LAMC3: variants seen among roughly 807,000 people sequenced by gnomAD.
The protein encoded by LAMC3 is laminin subunit gamma 3, also known as laminin subunit gamma-3.
A neutral mutation model predicts 173.8 loss-of-function variants in LAMC3; 128 were observed. The observed-to-expected ratio is 0.74, with a 90% CI of 0.64 to 0.85. The LOEUF is 0.85. LAMC3 is among the 40% of genes least tolerant of loss of function. LAMC3 has a pLI of 0.00. For synonymous variants in LAMC3, 897 were observed against 909.1 expected, an observed-to-expected ratio of 0.99 and a Z score of 0.24; for missense variants, 2,022 against 2,156.0, an observed-to-expected ratio of 0.94 and a Z score of 1.23.
chr9:131,015,601 G>A (rs1436036165), intron 1 of LAMC3, among the ~76,000 whole-genome samples: 1 of 152,134 alleles, frequency 6.6e-6, no homozygotes, highest in Non-Finnish European at 1.5e-5. Flanking sequence ...GTCATGCAAG[G>A]GCCCCCGTGT....
chr9:131,040,011 G>A (rs1189220375), intron 6 of LAMC3, among the ~76,000 whole-genome samples: 13 of 128,138 alleles, frequency 1.0e-4, no homozygotes, highest in African/African-American at 3.5e-4. Flanking sequence ...GATAAATTTA[G>A]AAGCTTTTTT....
chr9:131,028,340 G>A (rs1342914940), intron 2 of LAMC3, among the ~76,000 whole-genome samples: 3 of 152,058 alleles, frequency 2.0e-5, no homozygotes, highest in Non-Finnish European at 2.9e-5. Flanking sequence ...CCATTTCCCC[G>A]GGTTCAGACC....
intron 1 of LAMC3, among the ~76,000 whole-genome samples, chr9:131,016,935 A>AT (rs3840732): frequency 0.14 from 21,603 of 151,046 alleles, 2,677 homozygotes; most frequent in African/African-American, 0.34. Context: ...CATTTCTACG[A>AT]TTTTTTTTTT....
At chr9:131,050,861 G>A (rs904716221) in intron 9 of LAMC3, among the ~76,000 whole-genome samples, 7 of 152,194 alleles carry the variant, frequency 4.6e-5, no homozygotes, top group Admixed American at 1.3e-4. Context: ...ACTGTGATGC[G>A]GCCGGTTGTG....
rs182268363 is a variant in LAMC3, at chr9:131,013,157, A to G, written c.373+3570A>G. 3.9e-3 allele frequency among the ~76,000 whole-genome samples: 591 copies of G among 152,358 alleles called. 9 individuals carry two copies. The highest frequency in any genetic ancestry group is 0.013 in the African/African-American group (555 of 41,586). Reference sequence around the variant, plus strand: ...CTTTTACAGACAGCAAAACTGAGGCACTGAGGGTGAGATCAGTTGCTTGGG... The same window carrying G: ...CTTTTACAGACAGCAAAACTGAGGCGCTGAGGGTGAGATCAGTTGCTTGGG... On this transcript the variant is annotated intron_variant, in intron 1 of 27. Coordinates refer to ENST00000361069, the MANE Select transcript of LAMC3 (RefSeq NM_006059.4).
At chr9:131,084,340 A>G (rs923742607) in intron 24 of LAMC3, among the ~76,000 whole-genome samples, 6 of 151,904 alleles carry the variant, frequency 3.9e-5, no homozygotes, top group African/African-American at 1.5e-4. Flanking sequence ...TCTCGTGAGT[A>G]GCTAGGTCTA....
intron 12 of LAMC3, among the ~76,000 whole-genome samples, chr9:131,058,837 A>G (rs924037708): frequency 2.7e-5 from 4 of 149,694 alleles, no homozygotes; most frequent in African/African-American, 2.5e-5. Flanking sequence ...GAGGTTGCAG[A>G]GAGCCGAAAT....
intron 1 of LAMC3, among the ~76,000 whole-genome samples, chr9:131,022,584 A>G (rs992109060): frequency 1.7e-4 from 26 of 152,076 alleles, no homozygotes; most frequent in African/African-American, 5.8e-4. Flanking sequence ...ATTTTGAGAC[A>G]GGGTCTCACT....
At position 131,009,401 on chromosome 9, in the gene LAMC3, C is replaced by T; in HGVS notation, c.187C>T (p.Pro63Ser). 6.5e-7 allele frequency: 1 copy of T among 1,539,164 alleles called. No individual in the cohort carries two copies. Among genetic ancestry groups the T allele is most frequent in the Non-Finnish European group, 8.7e-7 (1 of 1,144,916 alleles). The change falls in exon 1 of 28, where the codon CCC becomes TCC. Residue 63 changes from proline (P) to serine (S), a missense_variant. Physicochemically the swap from Pro to Ser is moderately conservative, Grantham distance 74. Coordinates refer to ENST00000361069, the MANE Select transcript of LAMC3 (RefSeq NM_006059.4). This position sits in a 1 kb window ranked among gnomAD's most constrained non-coding sequence, Gnocchi z 4.3. ...CGGCAGCCCGCCCGAGGACTTCTGT[C>T]CCCACGTGGGCGCCGCGGGCGCGGG... Reference protein sequence around the residue: ...TCGSPPEDFCPHVGAAGAGAH... With the variant: ...TCGSPPEDFCSHVGAAGAGAH...
intron 9 of LAMC3, 59 bp downstream of exon 9, chr9:131,049,189 C>A: frequency 2.1e-6 from 2 of 958,196 alleles, no homozygotes; most frequent in Non-Finnish European, 3.3e-6. Flanking sequence ...TGCTGCTAAA[C>A]AACTTGCCGC....
intron 12 of LAMC3, among the ~76,000 whole-genome samples, chr9:131,058,935 T>C (rs1291020037): frequency 1.4e-5 from 2 of 146,930 alleles, no homozygotes; most frequent in East Asian, 2.0e-4. Context: ...CTTGGGCTCA[T>C]GCCTGTAATC....
chr9:131,056,906 C>G (rs1182799386), intron 11 of LAMC3, 23 bp from the exon 12 acceptor site: 2 of 1,599,512 alleles, frequency 1.3e-6, no homozygotes, highest in African/African-American at 2.7e-5. Context: ...TCCTCTCTTC[C>G]TCTCTCCCTT....
At chr9:131,027,465 G>T (rs1034640035) in intron 2 of LAMC3, among the ~76,000 whole-genome samples, 27 of 152,162 alleles carry the variant, frequency 1.8e-4, no homozygotes, top group African/African-American at 6.0e-4. Flanking sequence ...TGGGTCCCAC[G>T]CTGTAAGTCC....
intron 22 of LAMC3, among the ~76,000 whole-genome samples, chr9:131,077,902 C>T (rs1830163582): frequency 6.6e-6 from 1 of 152,062 alleles, no homozygotes; most frequent in South Asian, 2.1e-4. Context: ...CTTACAGTGA[C>T]ATTAGCAGTG....
At chr9:131,018,454 C>A (rs1221667732) in intron 1 of LAMC3, among the ~76,000 whole-genome samples, 1 of 151,910 alleles carries the variant, frequency 6.6e-6, no homozygotes, top group Non-Finnish European at 1.5e-5. Flanking sequence ...TTTTAAACAG[C>A]GACGAGAATT....
chr9:131,045,887 G>T (rs965813011), intron 8 of LAMC3, among the ~76,000 whole-genome samples: 1 of 152,222 alleles, frequency 6.6e-6, no homozygotes, highest in African/African-American at 2.4e-5. Context: ...CCGTGGTGGG[G>T]TTGGGGGCCG....
chr9:131,015,906 C>T (rs1833511831), intron 1 of LAMC3, among the ~76,000 whole-genome samples: 2 of 152,190 alleles, frequency 1.3e-5, no homozygotes, highest in Admixed American at 1.3e-4. Context: ...GATCTGCCCT[C>T]CTCTGTCTCC....
At chr9:131,010,143 A>G in intron 1 of LAMC3, among the ~76,000 whole-genome samples, 1 of 124,362 alleles carries the variant, frequency 8.0e-6, no homozygotes. Flanking sequence ...AACAGAGCTA[A>G]CTCCGTCTCA....
intron 3 of LAMC3, among the ~76,000 whole-genome samples, chr9:131,032,549 TCTCTCTCGCTCTCTCTCTTG>T (rs1257398566): frequency 7.9e-6 from 1 of 126,034 alleles, no homozygotes; most frequent in African/African-American, 4.8e-5. Flanking sequence ...TCTCTCTTGC[TCTCTCTCGCTCTCTCTCTTG>T]CTCTCTCTCG....
Sources: gnomAD v4.1 joint callset for allele counts (sites outside exome capture counted in the v4.1 genomes callset) on GRCh38, gnomAD v4.1.1 for gene constraint, Gnocchi (gnomAD v3.1) non-coding constraint, MANE v1.5 for transcripts, NCBI Gene and HGNC (gene_info 2026-07-23, HGNC 2026-07-21) for gene names.